The following RORA variants were observed in gnomAD, a reference collection of about 807,000 sequenced individuals.
The protein encoded by RORA is nuclear receptor ROR-alpha.
In RORA, 7 loss-of-function variants were observed where a neutral mutation model predicts 69.5. That is an observed-to-expected ratio of 0.10 (90% CI 0.06 to 0.19). The LOEUF is 0.19. Among genes scored for constraint, RORA ranks in the 10% least tolerant of loss-of-function variants. RORA has a pLI of 1.00. For synonymous variants in RORA, 261 were observed against 240.8 expected (o/e 1.08, Z -0.78); for missense variants, 457 against 663.0 (o/e 0.69, Z 3.41).
At chr15:61,206,807 T>G (rs2079946214) in intron 1 of RORA, among the ~76,000 whole-genome samples, 1 of 152,192 alleles carries the variant, frequency 6.6e-6, no homozygotes, top group African/African-American at 2.4e-5. Flanking sequence ...GAGGGTCTGA[T>G]GTTTACTAAA....
At chr15:60,939,242 T>C (rs901457605) in intron 1 of RORA, among the ~76,000 whole-genome samples, 3 of 152,148 alleles carry the variant, frequency 2.0e-5, no homozygotes, top group African/African-American at 7.2e-5. Context: ...TGCGACCTTG[T>C]TCCCACCATG....
intron 1 of RORA, among the ~76,000 whole-genome samples, chr15:60,816,614 C>T (rs171026): frequency 0.48 from 62,703 of 129,526 alleles, 16,204 homozygotes; most frequent in African/African-American, 0.63. Context: ...ATACTGTAAA[C>T]AGTATATATT....
At chr15:61,031,949 G>A (rs1054578293) in intron 1 of RORA, among the ~76,000 whole-genome samples, 2 of 152,140 alleles carry the variant, frequency 1.3e-5, no homozygotes, top group Admixed American at 1.3e-4. Context: ...GAAGATATAT[G>A]TTCCTCCTAC....
At chr15:60,733,872 G>T (rs573302477) in intron 1 of RORA, among the ~76,000 whole-genome samples, 1 of 143,616 alleles carries the variant, frequency 7.0e-6, no homozygotes, top group Admixed American at 6.9e-5. Flanking sequence ...CAACTTATGT[G>T]TATCCAACTA....
At chr15:60,943,878 T>C (rs2140325780) in intron 1 of RORA, among the ~76,000 whole-genome samples, 1 of 114,896 alleles carries the variant, frequency 8.7e-6, no homozygotes, top group East Asian at 2.8e-4. Flanking sequence ...ATCATGCCAC[T>C]GCACTCCAAC....
At chr15:60,601,793 T>A (rs898850904) in intron 2 of RORA, among the ~76,000 whole-genome samples, 1 of 152,208 alleles carries the variant, frequency 6.6e-6, no homozygotes, top group Non-Finnish European at 1.5e-5. Context: ...AGTAAACTGT[T>A]ATCTACGTTT....
chr15:61,096,868 C>T (rs145131885), intron 1 of RORA, among the ~76,000 whole-genome samples: 126 of 152,272 alleles, frequency 8.3e-4, no homozygotes, highest in Non-Finnish European at 1.5e-3. Flanking sequence ...TCTGGTGCAG[C>T]GCTTTGGGAA....
intron 1 of RORA, among the ~76,000 whole-genome samples, chr15:60,958,215 T>C (rs1893322808): frequency 6.6e-6 from 1 of 152,214 alleles, no homozygotes; most frequent in African/African-American, 2.4e-5. Flanking sequence ...AGAGATTTTA[T>C]ACAAAGGATG....
At chr15:60,559,988 A>G (rs548986281) in intron 2 of RORA, among the ~76,000 whole-genome samples, 80 of 152,298 alleles carry the variant, frequency 5.3e-4, no homozygotes, top group Non-Finnish European at 9.7e-4. Context: ...AGGAAGCAAC[A>G]TAAGTTCTAA....
Position 60,627,295 on chromosome 15 carries a change from C to T in RORA, c.196+51362G>A, listed in dbSNP as rs572542837. ...GGCAGACATTCTGGCCTGTCCAGTTCGAAGACAATGACCCATGATTGACCA... is the reference window on the plus strand; with the variant it reads ...GGCAGACATTCTGGCCTGTCCAGTTTGAAGACAATGACCCATGATTGACCA... On this transcript the variant is annotated intron_variant, in intron 2 of 10. Coordinates refer to ENST00000335670, the MANE Select transcript of RORA (RefSeq NM_134261.3). 1.6e-5 allele frequency: 26 copies of T among 1,614,178 alleles called. 1 individual carries two copies. The South Asian group carries it at 2.3e-4, about 14-fold the overall frequency.
chr15:61,045,640 C>A, intron 1 of RORA, among the ~76,000 whole-genome samples: 1 of 152,104 alleles, frequency 6.6e-6, no homozygotes, highest in Admixed American at 6.5e-5. Flanking sequence ...GAAGAAGACC[C>A]TAGAACAGGT....
In RORA at chr15:60,679,389, T is replaced by C. The variant is rs577598149; in HGVS notation, c.167-703A>G. On this transcript the variant is annotated intron_variant, in intron 1 of 10. Transcript: ENST00000335670. ...TGATTTATAGGTAGCAGGTGACAAA[T>C]AGAACTAAGCAACATTTGGCACAGA... 7.9e-4 allele frequency among the ~76,000 whole-genome samples: 120 copies of C among 152,140 alleles called. 1 individual carries two copies. Among genetic ancestry groups the C allele is most frequent in the South Asian group, 1.4e-3 (7 of 4,832 alleles).
At chr15:60,952,603 C>T (rs1380505962) in intron 1 of RORA, among the ~76,000 whole-genome samples, 6 of 152,134 alleles carry the variant, frequency 3.9e-5, no homozygotes, top group African/African-American at 1.4e-4. Context: ...TCTCAGGATA[C>T]AAAATCACTG....
At chr15:61,008,726 GA>G (rs199565255) in intron 1 of RORA, among the ~76,000 whole-genome samples, 9 of 150,808 alleles carry the variant, frequency 6.0e-5, no homozygotes, top group Admixed American at 2.0e-4. Flanking sequence ...GATTCCATTA[GA>G]AAAAAAAATC....
At chr15:60,758,369 C>A (rs2071833496) in intron 1 of RORA, among the ~76,000 whole-genome samples, 1 of 152,188 alleles carries the variant, frequency 6.6e-6, no homozygotes, top group Non-Finnish European at 1.5e-5. Flanking sequence ...GCACAGTACC[C>A]ATTTGTAACA....
chr15:61,169,495 G>T (rs942250031), intron 1 of RORA, among the ~76,000 whole-genome samples: 1 of 151,700 alleles, frequency 6.6e-6, no homozygotes, highest in Non-Finnish European at 1.5e-5. Flanking sequence ...AGGAAGAGTG[G>T]TACCCCCTCT....
chr15:61,228,556 C>T (rs2080170225), intron 1 of RORA, among the ~76,000 whole-genome samples: 1 of 139,976 alleles, frequency 7.1e-6, no homozygotes, highest in South Asian at 2.5e-4. Flanking sequence ...CTGAGAGGGA[C>T]CGAAAACACA....
intron 1 of RORA, among the ~76,000 whole-genome samples, chr15:60,969,653 C>T (rs753207815): frequency 7.9e-5 from 12 of 152,092 alleles, no homozygotes; most frequent in Non-Finnish European, 1.3e-4. Context: ...TCATTATCTC[C>T]GATGACAGCA....
Position 60,992,476 on chromosome 15 carries a change from A to G in RORA, c.166+236577T>C, listed in dbSNP as rs185720208. 2.6e-5 allele frequency among the ~76,000 whole-genome samples: 4 copies of G among 152,320 alleles called. No individual in the cohort carries two copies. The East Asian group carries it at 7.7e-4, about 29-fold the overall frequency. Reference sequence around the variant, plus strand: ...GGTAGGTCCTACAGACACAACATATATAAGAATGGGAACAAAGAATAGTCA... The same window carrying G: ...GGTAGGTCCTACAGACACAACATATGTAAGAATGGGAACAAAGAATAGTCA... On this transcript the variant is annotated intron_variant, in intron 1 of 10. Coordinates refer to ENST00000335670, the MANE Select transcript of RORA (RefSeq NM_134261.3).
Sources: allele counts gnomAD v4.1 joint callset (sites outside exome capture counted in the v4.1 genomes callset), GRCh38; gene constraint gnomAD v4.1.1; transcripts MANE v1.5; gene names NCBI Gene and HGNC (gene_info 2026-07-23, HGNC 2026-07-21).